Variants in SV2B observed in about 807,000 individuals in gnomAD.
The protein encoded by SV2B is synaptic vesicle glycoprotein 2B, also known as solute carrier family 22 member B2.
In SV2B, 41 loss-of-function variants were observed where a neutral mutation model predicts 73.9. That is an observed-to-expected ratio of 0.56 (90% confidence interval 0.43 to 0.72). The LOEUF (loss-of-function observed/expected upper bound fraction) is 0.72, where lower values mean the gene tolerates loss of function less well. Ranked by LOEUF, SV2B falls within the 30% of genes least tolerant of loss-of-function variation. SV2B has a pLI of 0.00. For synonymous variants in SV2B, 314 were observed against 314.2 expected (o/e 1.00, Z 0.01); for missense variants, 764 against 857.8 (o/e 0.89, Z 1.37).
chr15:91,274,204 A>C (rs1378106576), intron 9 of SV2B, among the ~76,000 whole-genome samples: 6 of 152,228 alleles, frequency 3.9e-5, no homozygotes, highest in Non-Finnish European at 8.8e-5. Flanking sequence ...TTTCTAGGCT[A>C]TGTACCTAGA....
intron 2 of SV2B, among the ~76,000 whole-genome samples, chr15:91,238,843 G>T (rs1227609683): frequency 1.3e-5 from 2 of 152,128 alleles, no homozygotes; most frequent in Non-Finnish European, 2.9e-5. Flanking sequence ...GAGCAACAGA[G>T]CACAAAGAAT....
intron 1 of SV2B, among the ~76,000 whole-genome samples, chr15:91,161,100 G>A (rs1396242951): frequency 6.6e-6 from 1 of 152,136 alleles, no homozygotes; most frequent in East Asian, 1.9e-4. Context: ...AAAGTTTCTA[G>A]AAAACACCAA....
At chr15:91,209,105 C>CTGTTTTT (rs1304120495) in intron 1 of SV2B, among the ~76,000 whole-genome samples, 8 of 137,900 alleles carry the variant, frequency 5.8e-5, no homozygotes, top group South Asian at 2.2e-4. Flanking sequence ...TGTGGCAGTA[C>CTGTTTTT]TGTTTTTTGT....
intron 1 of SV2B, among the ~76,000 whole-genome samples, chr15:91,207,813 G>A (rs1487340326): frequency 6.6e-6 from 1 of 152,164 alleles, no homozygotes; most frequent in South Asian, 2.1e-4. Flanking sequence ...ATAAACTGGG[G>A]AGGAACTTAA....
In SV2B at chr15:91,298,527, G is replaced by T. The variant is rs1485573241; in HGVS notation, c.*5975G>T. The T allele has an allele frequency of 6.6e-6, 1 of 152,148 alleles. No homozygotes were observed. Among genetic ancestry groups the T allele is most frequent in the East Asian group, 1.9e-4 (1 of 5,192 alleles). 9.4% of individuals were successfully genotyped at this position (152,148 alleles called of 1,614,324 possible). A position where few individuals can be genotyped will look rare whatever the true frequency, so the allele number is the denominator to read the frequency against. Reference sequence around the variant, plus strand: ...AGCTATCTCACAAATGTTAAATGGAGAAATAAAAGTTGTTATAGTCATTGC... The same window carrying T: ...AGCTATCTCACAAATGTTAAATGGATAAATAAAAGTTGTTATAGTCATTGC... On this transcript the variant is annotated 3_prime_UTR_variant, in exon 13 of 13. Coordinates refer to ENST00000394232, the MANE Select transcript of SV2B (RefSeq NM_001323032.3). This position sits in a 1 kb window ranked among gnomAD's most constrained non-coding sequence, Gnocchi z 5.4.
Position 91,284,229 on chromosome 15 carries a change from G to A in SV2B, c.1708+8G>A. On this transcript the variant is annotated splice_region_variant and intron_variant, in intron 11 of 12. Coordinates refer to ENST00000394232, the MANE Select transcript of SV2B (RefSeq NM_001323032.3). The surrounding 1 kb of genome is among the most constrained non-coding windows in gnomAD (Gnocchi z 4.5). ...GAAGGCTCAAGATGATTGGTGAGTT[G>A]CCAGCAGGGTCATTCCTGGGTTCCA... The A allele has an allele frequency of 6.2e-7, 1 of 1,614,018 alleles. No individual in the cohort carries two copies. Among genetic ancestry groups the A allele is most frequent in the Non-Finnish European group, 8.5e-7 (1 of 1,179,932 alleles).
At chr15:91,168,017 CTAT>C (rs1329062348) in intron 1 of SV2B, among the ~76,000 whole-genome samples, 1 of 152,028 alleles carries the variant, frequency 6.6e-6, no homozygotes, top group East Asian at 1.9e-4. Flanking sequence ...CGGGGTCAGT[CTAT>C]AATCTGGGGG....
At chr15:91,208,064 GT>G (rs2045710246) in intron 1 of SV2B, among the ~76,000 whole-genome samples, 1 of 152,144 alleles carries the variant, frequency 6.6e-6, no homozygotes, top group Non-Finnish European at 1.5e-5. Context: ...TACTTCTGCT[GT>G]TTTCTCAATT....
rs141126955 is a variant in SV2B at position 91,288,747 on chromosome 15, G to C, written c.1709-774G>C. On this transcript the variant is annotated intron_variant, in intron 11 of 12. Coordinates refer to ENST00000394232, the MANE Select transcript of SV2B (RefSeq NM_001323032.3). This position sits in a 1 kb window ranked among gnomAD's most constrained non-coding sequence, Gnocchi z 5.8. ...GGCTGGAGTACAGTGGCGCCATCTCGGCTCACTGCAACCTCTGCCTCCCAG... is the reference window on the plus strand; with the variant it reads ...GGCTGGAGTACAGTGGCGCCATCTCCGCTCACTGCAACCTCTGCCTCCCAG... Among the ~76,000 whole-genome samples the C allele has an allele frequency of 9.9e-3, 1,507 of 151,516 alleles. 15 individuals carry two copies. Among genetic ancestry groups the C allele is most frequent in the Non-Finnish European group, 0.017 (1,151 of 67,876 alleles).
At chr15:91,257,594 C>T (rs760854031) in intron 4 of SV2B, among the ~76,000 whole-genome samples, 3 of 152,118 alleles carry the variant, frequency 2.0e-5, no homozygotes, top group African/African-American at 2.4e-5. Flanking sequence ...ATTGTGTAGC[C>T]GTATAACAGC....
intron 1 of SV2B, among the ~76,000 whole-genome samples, chr15:91,172,533 G>C (rs1056941635): frequency 2.6e-5 from 4 of 152,234 alleles, no homozygotes; most frequent in African/African-American, 7.2e-5. Context: ...GGCACAGAGG[G>C]AGGCACGAAA....
intron 1 of SV2B, among the ~76,000 whole-genome samples, chr15:91,177,623 G>A: frequency 7.3e-6 from 1 of 136,990 alleles, no homozygotes; most frequent in Non-Finnish European, 1.6e-5. Flanking sequence ...TTGTAAGTTG[G>A]ATTCCTAAGT....
intron 1 of SV2B, among the ~76,000 whole-genome samples, chr15:91,191,304 T>C (rs2045019640): frequency 6.6e-6 from 1 of 152,082 alleles, no homozygotes; most frequent in Non-Finnish European, 1.5e-5. Flanking sequence ...CCTAGTAATC[T>C]TCTTCTCAAT....
chr15:91,174,719 C>T (rs866200414), intron 1 of SV2B, among the ~76,000 whole-genome samples: 3 of 152,114 alleles, frequency 2.0e-5, no homozygotes, highest in African/African-American at 4.8e-5. Context: ...AGCTTTTCTA[C>T]AATAGCCCTC....
rs1280760027 is a variant in SV2B, at chr15:91,115,584, C to G, written c.-392+15221C>G. ...TAGAGACAGGGTCTCGCCATGTTGC[C>G]CAGGCTGGTCTTGAACTCCTGAACT... On this transcript the variant is annotated intron_variant, in intron 1 of 12. Coordinates refer to ENST00000394232, the MANE Select transcript of SV2B (RefSeq NM_001323032.3). The surrounding 1 kb of genome is among the most constrained non-coding windows in gnomAD (Gnocchi z 4.3). 6.6e-6 allele frequency among the ~76,000 whole-genome samples: 1 copy of G among 151,822 alleles called. No homozygotes were observed. The highest frequency in any genetic ancestry group is 1.5e-5 in the Non-Finnish European group (1 of 67,980).
intron 2 of SV2B, among the ~76,000 whole-genome samples, chr15:91,233,543 G>T (rs778048617): frequency 7.2e-5 from 11 of 152,134 alleles, no homozygotes; most frequent in Admixed American, 1.3e-4. Flanking sequence ...AGCCTTGCAG[G>T]GTGTCTTCTG....
At chr15:91,262,179 C>T in intron 6 of SV2B, among the ~76,000 whole-genome samples, 1 of 152,082 alleles carries the variant, frequency 6.6e-6, no homozygotes, top group Admixed American at 6.5e-5. Context: ...CTCTGTGCCT[C>T]ATTTTTCTCA....
In SV2B at chr15:91,121,896, T is replaced by G. The variant is rs2042347778; in HGVS notation, c.-392+21533T>G. Among the ~76,000 whole-genome samples the G allele has an allele frequency of 6.6e-6, 1 of 151,724 alleles. No individual in the cohort carries two copies. The highest frequency in any genetic ancestry group is 1.9e-4 in the East Asian group (1 of 5,148). The stretch of plus-strand genomic sequence containing the variant: ...TTCACGCCATTCTCCTGCCTCAGCC[T>G]CCCGAGTAGCTGGGACTACAGGTGC... On this transcript the variant is annotated intron_variant, in intron 1 of 12. Coordinates refer to ENST00000394232, the MANE Select transcript of SV2B (RefSeq NM_001323032.3). This position sits in a 1 kb window ranked among gnomAD's most constrained non-coding sequence, Gnocchi z 4.4.
chr15:91,255,208 A>G (rs1450354718), intron 4 of SV2B, among the ~76,000 whole-genome samples: 1 of 152,220 alleles, frequency 6.6e-6, no homozygotes, highest in Admixed American at 6.5e-5. Flanking sequence ...TAGGAAAGCA[A>G]TAAAAGAATT....
Sources: gnomAD v4.1 joint callset for allele counts (sites outside exome capture counted in the v4.1 genomes callset) on GRCh38, gnomAD v4.1.1 for gene constraint, Gnocchi (gnomAD v3.1) non-coding constraint, MANE v1.5 for transcripts, NCBI Gene and HGNC (gene_info 2026-07-23, HGNC 2026-07-21) for gene names.